The following ATRAID variants were observed in gnomAD, a reference collection of about 807,000 sequenced individuals.
ATRAID encodes the protein all-trans retinoic acid induced differentiation factor.
A neutral mutation model predicts 28.8 loss-of-function variants in ATRAID; 26 were observed. The observed-to-expected ratio is 0.90, with a 90% CI of 0.66 to 1.25. The LOEUF (loss-of-function observed/expected upper bound fraction) is 1.25, where lower values mean the gene tolerates loss of function less well. Among genes scored for constraint, ATRAID ranks in the 50% most tolerant of loss-of-function variants. The pLI is 0.00. For synonymous variants in ATRAID, 131 were observed against 108.5 expected (o/e 1.21, Z -1.29); for missense variants, 308 against 285.9 (o/e 1.08, Z -0.56).
rs748140857 is a variant in ATRAID, at chr2:27,215,742, C to G, written c.476C>G (p.Thr159Ser). ...CQGQKNLCNN[T>S]GDPEMCPENG... is the part of the protein sequence containing the mutation. Reference sequence around the variant, plus strand: ...GGGCAAAAGAACCTTTGCAATAACACTGGGGACCCAGGTATGCTGTCTTAC... The same window carrying G: ...GGGCAAAAGAACCTTTGCAATAACAGTGGGGACCCAGGTATGCTGTCTTAC... Residue 159 changes from threonine (T) to serine (S), a missense_variant, in exon 5 of 7, where the codon ACT (threonine) becomes AGT (serine). Thr to Ser is a moderately conservative substitution (Grantham distance 58, BLOSUM62 1). Transcript: ENST00000380171. 1.2e-5 allele frequency: 19 copies of G among 1,614,202 alleles called. No individual in the cohort carries two copies. In the Admixed American group the frequency reaches 3.2e-4, roughly 27 times the overall value.
rs536865629 is a variant in ATRAID, at chr2:27,217,078, G to T, written c.*130G>T. ...AAGGTTGAGGCCGCCATTGGAAGAT[G>T]AAAAATTGCACTCCCTTGGTGTAGA... On this transcript the variant is annotated 3_prime_UTR_variant, in exon 7 of 7. Coordinates refer to ENST00000380171, the MANE Select transcript of ATRAID (RefSeq NM_001170795.4). 34 of 717,750 alleles carry T rather than the reference G, an allele frequency of 4.7e-5. No individual in the cohort carries two copies. The highest frequency in any genetic ancestry group is 6.8e-5 in the Non-Finnish European group (30 of 442,212). The allele number at this position is 717,750 out of a possible 1,614,324, so 44.5% of individuals were successfully genotyped here. A position where few individuals can be genotyped will look rare whatever the true frequency, so the allele number is the denominator to read the frequency against.
intron 5 of ATRAID, 86 bp downstream of exon 5, chr2:27,215,839 AGC>A: frequency 6.5e-7 from 1 of 1,534,532 alleles, no homozygotes; most frequent in Non-Finnish European, 8.8e-7. Flanking sequence ...AAGTTGCTTA[AGC>A]GCCTTTCATT....
chr2:27,215,754 G>A lies in ATRAID; in HGVS notation c.487+1G>A. 1.2e-6 allele frequency: 2 copies of A among 1,613,808 alleles called. No individual in the cohort carries two copies. The highest frequency in any genetic ancestry group is 1.7e-6 in the Non-Finnish European group (2 of 1,179,878). ...CTTTGCAATAACACTGGGGACCCAG[G>A]TATGCTGTCTTACCTCCAAACTTCT... On this transcript the variant is annotated splice_donor_variant, in intron 5 of 6. Transcript: ENST00000380171. LOFTEE classifies it high-confidence loss of function.
In ATRAID at chr2:27,216,335, A is replaced by C. The variant is rs532129906; in HGVS notation, c.488-188A>C. On this transcript the variant is annotated intron_variant, in intron 5 of 6. Transcript: ENST00000380171. The stretch of plus-strand genomic sequence containing the variant: ...CCATCTGGATGTATACGTGCAGGTC[A>C]CAGGGGATATGATAGCTTAGCTTGG... 10 of 595,080 alleles carry C rather than the reference A, an allele frequency of 1.7e-5. No individual in the cohort carries two copies. The African/African-American group carries it at 1.9e-4, about 11-fold the overall frequency. 36.9% of individuals were successfully genotyped at this position (595,080 alleles called of 1,614,324 possible). A position where few individuals can be genotyped will look rare whatever the true frequency, so the allele number is the denominator to read the frequency against.
chr2:27,216,601 G>A lies in ATRAID; in HGVS notation c.566G>A (p.Gly189Glu), dbSNP rs184803940. 1 of 1,613,876 alleles carries A rather than the reference G, an allele frequency of 6.2e-7. No individual in the cohort carries two copies. The highest frequency in any genetic ancestry group is 2.2e-5 in the East Asian group (1 of 44,874). The stretch of plus-strand genomic sequence containing the variant: ...TGTGTTTGTGCTGATGGTTTCCATG[G>A]ATACAAGTGTATGCGCCAGGTGAGG... ...LQCVCADGFH[G>E]YKCMRQGSFS... The change falls in exon 6 of 7, where the codon GGA (glycine) becomes GAA (glutamate). Residue 189 changes from glycine (G) to glutamate (E), a missense_variant. Physicochemically the swap from Gly to Glu is moderately conservative, Grantham distance 98 (BLOSUM62 -2). Transcript: ENST00000380171.
chr2:27,215,878 G>A, intron 5 of ATRAID, 125 bp downstream of exon 5: 1 of 1,273,456 alleles, frequency 7.9e-7, no homozygotes, highest in Non-Finnish European at 1.1e-6. Context: ...TAACCCCTTT[G>A]AAAGAAAAGA....
intron 1 of ATRAID, 177 bp from the exon 2 acceptor site, chr2:27,213,000 G>A: frequency 1.4e-6 from 1 of 732,348 alleles, no homozygotes; most frequent in Non-Finnish European, 2.2e-6. Context: ...TCTGGAGGAA[G>A]AGATGGCATC....
At position 27,216,870 on chromosome 2, in the gene ATRAID, C is replaced by A. The variant is rs748354914; in HGVS notation, c.612C>A (p.Phe204Leu). 2.4e-5 allele frequency: 39 copies of A among 1,613,984 alleles called. No individual in the cohort carries two copies. The highest frequency in any genetic ancestry group is 3.1e-5 in the Non-Finnish European group (37 of 1,180,006). ...RQGSFSLLMF[F>L]GILGATTLSV... ...GCTCGTTCTCACTGCTTATGTTCTT[C>A]GGGATTCTGGGAGCCACCACTCTAT... is the stretch of plus-strand genomic sequence containing the variant. The change falls in exon 7 of 7, where the codon TTC becomes TTA. Residue 204 changes from phenylalanine to leucine, a missense_variant. Physicochemically the swap from Phe to Leu is conservative, Grantham distance 22. Coordinates refer to ENST00000380171, the MANE Select transcript of ATRAID (RefSeq NM_001170795.4).
In ATRAID at chr2:27,216,364, C is replaced by T. The variant is rs527760315; in HGVS notation, c.488-159C>T. Reference sequence around the variant, plus strand: ...GGGATATGATAGCTTAGCTTGGGCTCAGAGGCCTGACATTATTGTTACTGT... The same window carrying T: ...GGGATATGATAGCTTAGCTTGGGCTTAGAGGCCTGACATTATTGTTACTGT... On this transcript the variant is annotated intron_variant, in intron 5 of 6. Transcript: ENST00000380171. The T allele has an allele frequency of 6.7e-5, 44 of 652,948 alleles. No homozygotes were observed. In the African/African-American group the frequency reaches 7.4e-4, roughly 11 times the overall value. 40.4% of individuals were successfully genotyped at this position (652,948 alleles called of 1,614,324 possible). A position where few individuals can be genotyped will look rare whatever the true frequency, so the allele number is the denominator to read the frequency against.
At chr2:27,213,458 CT>C in intron 2 of ATRAID, 160 bp downstream of exon 2, 1 of 910,330 alleles carries the variant, frequency 1.1e-6, no homozygotes, top group South Asian at 2.2e-5. Context: ...CTTTTTTAAC[CT>C]TTCCACACTC....
At position 27,212,325 on chromosome 2, in the gene ATRAID, C is replaced by T. The variant is rs1274336481; in HGVS notation, c.-44C>T. The T allele has an allele frequency of 1.9e-6, 3 of 1,549,322 alleles. No homozygotes were observed. Among genetic ancestry groups the T allele is most frequent in the African/African-American group, 1.4e-5 (1 of 73,198 alleles). ...CCTGACGCGCTGCGGGGCGGGGCCG[C>T]GGGGCCGGGTCGCGCGAGCAGCGGA... is the stretch of plus-strand genomic sequence containing the variant. On this transcript the variant is annotated 5_prime_UTR_variant, in exon 1 of 7. Coordinates refer to ENST00000380171, the MANE Select transcript of ATRAID (RefSeq NM_001170795.4).
At chr2:27,214,538 G>A (rs937408622) in intron 2 of ATRAID, among the ~76,000 whole-genome samples, 5 of 152,146 alleles carry the variant, frequency 3.3e-5, no homozygotes, top group South Asian at 2.1e-4. Flanking sequence ...CAGTGCTGGC[G>A]GATAGAACTT....
At chr2:27,212,684 T>C in intron 1 of ATRAID, 1 of 1,342,550 alleles carries the variant, frequency 7.4e-7, no homozygotes, top group East Asian at 2.8e-5. Flanking sequence ...CTGTGAAACT[T>C]GATTTCGCCC....
intron 2 of ATRAID, among the ~76,000 whole-genome samples, chr2:27,213,619 A>G (rs1331225210): frequency 6.6e-6 from 1 of 152,140 alleles, no homozygotes. Context: ...TAGAAAACCA[A>G]CATTTTCCAT....
In ATRAID at chr2:27,213,180, T is replaced by A. The variant is rs758303600; in HGVS notation, c.103T>A (p.Cys35Ser). The A allele has an allele frequency of 4.3e-6, 7 of 1,613,724 alleles. No individual in the cohort carries two copies. Among genetic ancestry groups the A allele is most frequent in the Non-Finnish European group, 5.9e-6 (7 of 1,179,674 alleles). ...AATGTTTCTTTCTCTTCTGCAGATATGCACCCAATGTCCAGGGAGCGTGCA... is the reference window on the plus strand; with the variant it reads ...AATGTTTCTTTCTCTTCTGCAGATAAGCACCCAATGTCCAGGGAGCGTGCA... ...VERALALPEI[C>S]TQCPGSVQNL... The change falls in exon 2 of 7, where the codon TGC (cysteine) becomes AGC (serine). Residue 35 changes from cysteine to serine, a missense_variant. Cys to Ser is a moderately radical substitution (Grantham distance 112). Transcript: ENST00000380171.
intron 2 of ATRAID, among the ~76,000 whole-genome samples, chr2:27,214,376 G>A (rs1674744396): frequency 6.6e-6 from 1 of 150,886 alleles, no homozygotes; most frequent in Non-Finnish European, 1.5e-5. Flanking sequence ...ACCAATCTGT[G>A]GTAGAAAATA....
intron 2 of ATRAID, among the ~76,000 whole-genome samples, chr2:27,213,852 C>T (rs1674717960): frequency 6.6e-6 from 1 of 152,216 alleles, no homozygotes; most frequent in Non-Finnish European, 1.5e-5. Context: ...TTGCCTTCCT[C>T]TACCAAATTA....
Position 27,215,756 on chromosome 2 carries a change from A to T in ATRAID, c.487+3A>T. The T allele has an allele frequency of 6.2e-7, 1 of 1,613,872 alleles. No homozygotes were observed. Among genetic ancestry groups the T allele is most frequent in the Non-Finnish European group, 8.5e-7 (1 of 1,179,912 alleles). On this transcript the variant is annotated splice_donor_region_variant and intron_variant, in intron 5 of 6. Transcript: ENST00000380171. The stretch of plus-strand genomic sequence containing the variant: ...TTGCAATAACACTGGGGACCCAGGT[A>T]TGCTGTCTTACCTCCAAACTTCTGG...
chr2:27,215,567 G>A, intron 4 of ATRAID, 22 bp downstream of exon 4: 2 of 1,614,220 alleles, frequency 1.2e-6, no homozygotes, highest in South Asian at 2.2e-5. Flanking sequence ...TATGGGAAGA[G>A]AATCAAAGAG....
Sources: allele counts gnomAD v4.1 joint callset (sites outside exome capture counted in the v4.1 genomes callset), GRCh38; gene constraint gnomAD v4.1.1; transcripts MANE v1.5; gene names NCBI Gene and HGNC (gene_info 2026-07-23, HGNC 2026-07-21).